Variants in ZNF682 observed in about 807,000 individuals in gnomAD.
ZNF682 encodes zinc finger protein 682.
A neutral mutation model predicts 36.5 loss-of-function variants in ZNF682; 29 were observed. The ratio of observed to expected loss-of-function variants is 0.80; its 90% CI spans 0.59 to 1.08. The LOEUF is 1.08. Among genes scored for constraint, ZNF682 ranks in the 50% least tolerant of loss-of-function variants. The pLI is 0.00. For missense variants in ZNF682, 561 were observed against 579.7 expected, an observed-to-expected ratio of 0.97 and a Z score of 0.33; for synonymous variants, 180 against 197.0, an observed-to-expected ratio of 0.91 and a Z score of 0.72.
intron 3 of ZNF682, among the ~76,000 whole-genome samples, chr19:19,997,960 T>C (rs999459030): frequency 7.9e-5 from 12 of 152,180 alleles, no homozygotes; most frequent in Non-Finnish European, 1.5e-5. Context: ...CCTTGAGTTA[T>C]TATTAACGAT....
intron 3 of ZNF682, among the ~76,000 whole-genome samples, chr19:19,998,610 T>C (rs2088142837): frequency 6.6e-6 from 1 of 152,180 alleles, no homozygotes; most frequent in Non-Finnish European, 1.5e-5. Context: ...GGCTTAGGCC[T>C]CATAAGAAGC....
At chr19:19,995,368 G>T (rs368488339), downstream of ZNF682, among the ~76,000 whole-genome samples, 1 of 151,460 alleles carries the variant, frequency 6.6e-6, no homozygotes, top group African/African-American at 2.4e-5. Context: ...ATGAGGAGAG[G>T]TCTCATGAAG....
chr19:20,012,617 A>T (rs2088299445), intron 3 of ZNF682, among the ~76,000 whole-genome samples: 1 of 151,864 alleles, frequency 6.6e-6, no homozygotes, highest in Admixed American at 6.6e-5. Context: ...AAATACAAAA[A>T]ATTAGTGGGG....
At chr19:20,030,366 T>A (rs1397178615) in intron 1 of ZNF682, among the ~76,000 whole-genome samples, 1 of 152,096 alleles carries the variant, frequency 6.6e-6, no homozygotes, top group East Asian at 1.9e-4. Context: ...GGTCAGGAGT[T>A]CGAGACCAGC....
At chr19:20,007,330 T>C (rs2088237008) in intron 3 of ZNF682, 55 bp from the exon 4 acceptor site, 1 of 1,439,370 alleles carries the variant, frequency 6.9e-7, no homozygotes. Context: ...CTCAGATACA[T>C]ATACTTTACA....
In ZNF682 at chr19:20,006,305, A is replaced by T. The variant is rs753482804; in HGVS notation, c.1197T>A (p.Cys399Ter). 6.2e-7 allele frequency: 1 copy of T among 1,613,590 alleles called. No individual in the cohort carries two copies. The highest frequency in any genetic ancestry group is 1.1e-5 in the South Asian group (1 of 91,080). ...RIHTGEKPYKCEECGKAFNWS... is the reference protein window; with the variant it reads ...RIHTGEKPYK ...AGTTAAAAGCTTTGCCACATTCTTCACATTTGTAGGGTTTCTCTCCAGTGT... is the reference window on the plus strand; with the variant it reads ...AGTTAAAAGCTTTGCCACATTCTTCTCATTTGTAGGGTTTCTCTCCAGTGT... The change falls in exon 4 of 4, where the codon TGT becomes TGA. Residue 399 changes from cysteine (C) to a stop codon, truncating the protein, a stop_gained. Transcript: ENST00000397165. LOFTEE classifies it high-confidence loss of function.
rs2088216505 is a variant in ZNF682, at chr19:20,006,226, T to C, written c.1276A>G (p.Asn426Asp). The C allele has an allele frequency of 6.2e-7, 1 of 1,613,838 alleles. No homozygotes were observed. The highest frequency in any genetic ancestry group is 1.3e-5 in the African/African-American group (1 of 74,942). ...AAGGCTTTTCCACATTCTTCACAGT[T>C]GTAGGGTTTCTCTCCAGTATGAATT... The part of the protein sequence containing the change: ...KRIHTGEKPY[N>D]CEECGKAFNR... Residue 426 changes from asparagine to aspartate, a missense_variant, in exon 4 of 4, where the codon AAC becomes GAC. By Grantham distance (23) the Asn-to-Asp change is conservative. Coordinates refer to ENST00000397165, the MANE Select transcript of ZNF682 (RefSeq NM_033196.3).
chr19:20,013,771 G>A (rs2088310814), intron 3 of ZNF682, among the ~76,000 whole-genome samples: 1 of 152,060 alleles, frequency 6.6e-6, no homozygotes, highest in Non-Finnish European at 1.5e-5. Flanking sequence ...GTAGAGATGG[G>A]GTCTCTCCAT....
chr19:20,006,771 A>T lies in ZNF682; in HGVS notation c.731T>A (p.Leu244His), dbSNP rs1467137865. 2 of 1,613,878 alleles carry T rather than the reference A, an allele frequency of 1.2e-6. No individual in the cohort carries two copies. Among genetic ancestry groups the T allele is most frequent in the Admixed American group, 1.7e-5 (1 of 60,002 alleles). ...CGKAFNWCSS[L>H]TKHKRIHTGE... ...AGTATGGATTCTCTTATGTTTAGTAAGACTCGAGCACCAGTTAAAAGCTTT... is the reference window on the plus strand; with the variant it reads ...AGTATGGATTCTCTTATGTTTAGTATGACTCGAGCACCAGTTAAAAGCTTT... Residue 244 changes from leucine (L) to histidine (H), a missense_variant, in exon 4 of 4, where the codon CTT becomes CAT. By Grantham distance (99) the Leu-to-His change is moderately conservative. Transcript: ENST00000397165.
chr19:20,010,755 A>G (rs2088278527), intron 3 of ZNF682, among the ~76,000 whole-genome samples: 2 of 152,082 alleles, frequency 1.3e-5, no homozygotes. Context: ...TCACCAGGTC[A>G]AGAGATCAAG....
In ZNF682 at chr19:20,006,830, A is replaced by G. The variant is rs1191235606; in HGVS notation, c.672T>C (p.Thr224=). The part of the protein sequence containing the change: ...SYLTKHKRIH[T]GEKPYKCEEC... Reference sequence around the variant, plus strand: ...CTTCACATTTGTATGGTTTCTCTCCAGTGTGAATTCTCTTATGTTTAGTAA... The same window carrying G: ...CTTCACATTTGTATGGTTTCTCTCCGGTGTGAATTCTCTTATGTTTAGTAA... The change falls in exon 4 of 4, where the codon ACT becomes ACC. Residue 224 remains threonine, a synonymous_variant. Transcript: ENST00000397165. 1.9e-6 allele frequency: 3 copies of G among 1,614,054 alleles called. No homozygotes were observed. The Admixed American group carries it at 5.0e-5, about 27-fold the overall frequency.
intron 1 of ZNF682, among the ~76,000 whole-genome samples, chr19:20,030,191 A>C (rs543115865): frequency 1.9e-4 from 29 of 152,334 alleles, no homozygotes; most frequent in African/African-American, 7.0e-4. Context: ...AGTAACAAGG[A>C]ATTTAACCAA....
downstream of ZNF682, chr19:19,996,969 G>C (rs1208828833): frequency 2.8e-6 from 1 of 351,438 alleles, no homozygotes; most frequent in African/African-American, 2.1e-5. Flanking sequence ...CATATTCTCA[G>C]ATAAGCACAC....
rs138323845 is a variant in ZNF682, at chr19:20,027,520, G to T, written c.4-3144C>A. On this transcript the variant is annotated intron_variant, in intron 1 of 3. Transcript: ENST00000397165. ...CATGCCTGTAATCCCAACACTCTGG[G>T]AGGCCAAGGCAGGCAGATCATCTGA... is the stretch of plus-strand genomic sequence containing the variant. Among the ~76,000 whole-genome samples, 182 of 152,300 alleles carry T rather than the reference G, an allele frequency of 1.2e-3. 1 individual carries two copies. The highest frequency in any genetic ancestry group is 4.2e-3 in the African/African-American group (174 of 41,562).
rs764787077 is a variant in ZNF682 at position 20,006,316 on chromosome 19, G to A, written c.1186C>T (p.Pro396Ser). ...TTGCCACATTCTTCACATTTGTAGGGTTTCTCTCCAGTGTGAATTCTCTTG... is the reference window on the plus strand; with the variant it reads ...TTGCCACATTCTTCACATTTGTAGGATTTCTCTCCAGTGTGAATTCTCTTG... Reference protein sequence around the residue: ...KHKRIHTGEKPYKCEECGKAF... With the variant: ...KHKRIHTGEKSYKCEECGKAF... The change falls in exon 4 of 4, where the codon CCC becomes TCC. Residue 396 changes from proline (P) to serine (S), a missense_variant. Transcript: ENST00000397165. The A allele has an allele frequency of 1.2e-6, 2 of 1,613,574 alleles. No individual in the cohort carries two copies. The highest frequency in any genetic ancestry group is 1.1e-5 in the South Asian group (1 of 91,078).
chr19:19,996,817 T>C (rs1009165921), downstream of ZNF682, among the ~76,000 whole-genome samples: 5 of 151,934 alleles, frequency 3.3e-5, no homozygotes, highest in East Asian at 1.9e-4. Context: ...CTAAAACCTA[T>C]TGAAATTAAA....
At chr19:20,026,207 G>C (rs980940670) in intron 1 of ZNF682, among the ~76,000 whole-genome samples, 6 of 152,046 alleles carry the variant, frequency 3.9e-5, no homozygotes, top group African/African-American at 1.4e-4. Flanking sequence ...GGAGGCTGAG[G>C]CAGGAGAATG....
At chr19:20,026,464 CT>C (rs1237169867) in intron 1 of ZNF682, among the ~76,000 whole-genome samples, 1 of 151,910 alleles carries the variant, frequency 6.6e-6, no homozygotes, top group Non-Finnish European at 1.5e-5. Context: ...ACAAAGAGAA[CT>C]TTATTTATTT....
chr19:19,995,959 G>A (rs778106004), downstream of ZNF682, among the ~76,000 whole-genome samples: 3 of 152,158 alleles, frequency 2.0e-5, no homozygotes, highest in Non-Finnish European at 4.4e-5. Context: ...CTCCCTCATT[G>A]TCATGGGGTT....
Sources: gnomAD v4.1 joint callset for allele counts (sites outside exome capture counted in the v4.1 genomes callset) on GRCh38, gnomAD v4.1.1 for gene constraint, MANE v1.5 for transcripts, NCBI Gene and HGNC (gene_info 2026-07-23, HGNC 2026-07-21) for gene names.